Variants in AMPH observed in about 807,000 individuals in gnomAD.
AMPH encodes amphiphysin, also known as amphiphysin (Stiff-Mann syndrome with breast cancer 128kD autoantigen).
In AMPH, 49 loss-of-function variants were observed where a neutral mutation model predicts 99.1. The observed-to-expected ratio is 0.49, with a 90% confidence interval of 0.39 to 0.63. The LOEUF (loss-of-function observed/expected upper bound fraction) is 0.63. AMPH is among the 20% of genes least tolerant of loss of function. AMPH has a pLI of 0.00. For synonymous variants in AMPH, 314 were observed against 317.3 expected (o/e 0.99, Z 0.11); for missense variants, 759 against 863.4 (o/e 0.88, Z 1.52).
At chr7:38,411,569 A>G (rs887945713) in intron 17 of AMPH, among the ~76,000 whole-genome samples, 8 of 152,180 alleles carry the variant, frequency 5.3e-5, no homozygotes, top group African/African-American at 1.7e-4. Flanking sequence ...AGAACTCAGC[A>G]CACATGGTCT....
At chr7:38,407,955 C>T (rs1173576344) in intron 17 of AMPH, among the ~76,000 whole-genome samples, 1 of 152,168 alleles carries the variant, frequency 6.6e-6, no homozygotes, top group Non-Finnish European at 1.5e-5. Context: ...GGATATTTAT[C>T]ATGAATTTAC....
chr7:38,419,548 A>G (rs1282981915), intron 16 of AMPH, among the ~76,000 whole-genome samples: 1 of 152,230 alleles, frequency 6.6e-6, no homozygotes, highest in Admixed American at 6.5e-5. Context: ...TTATGGAAAA[A>G]TACTTCACTT....
chr7:38,491,184 T>C (rs750789848), intron 4 of AMPH, 39 bp from the exon 5 acceptor site: 41 of 1,382,298 alleles, frequency 3.0e-5, no homozygotes, highest in South Asian at 2.5e-4. Context: ...ATTATTTTAA[T>C]TGGATACCTT....
chr7:38,586,185 C>T (rs964214746), intron 1 of AMPH, among the ~76,000 whole-genome samples: 1 of 152,094 alleles, frequency 6.6e-6, no homozygotes, highest in Non-Finnish European at 1.5e-5. Context: ...AAATTTTCAT[C>T]GTGGAAATTT....
chr7:38,391,680 A>G, intron 19 of AMPH, 68 bp downstream of exon 19: 1 of 1,525,090 alleles, frequency 6.6e-7, no homozygotes, highest in Non-Finnish European at 8.8e-7. Context: ...AAACTGGAAA[A>G]CCAAAGGCTT....
At chr7:38,531,722 C>T (rs191476456) in intron 2 of AMPH, among the ~76,000 whole-genome samples, 100 of 152,276 alleles carry the variant, frequency 6.6e-4, no homozygotes, top group Non-Finnish European at 9.9e-4. Context: ...TTAAGCACTA[C>T]TTGAGTGTGG....
At chr7:38,547,945 C>A (rs189847772) in intron 1 of AMPH, among the ~76,000 whole-genome samples, 7 of 152,034 alleles carry the variant, frequency 4.6e-5, no homozygotes, top group African/African-American at 1.4e-4. Context: ...ACCAGATATA[C>A]GCATTTGTCT....
chr7:38,451,193 C>A (rs1410604359), intron 11 of AMPH, among the ~76,000 whole-genome samples: 1 of 151,570 alleles, frequency 6.6e-6, no homozygotes, highest in Non-Finnish European at 1.5e-5. Context: ...ATGTCTGGCC[C>A]CAAAACATTT....
chr7:38,489,409 G>A (rs55886441), intron 5 of AMPH, among the ~76,000 whole-genome samples: 3,935 of 151,980 alleles, frequency 0.026, 74 homozygotes, highest in Admixed American at 0.054. Flanking sequence ...AAAGTTGAGG[G>A]GGGGGGAAGC....
chr7:38,433,724 CAAAAAAAA>C (rs570503359), intron 12 of AMPH, among the ~76,000 whole-genome samples: 2,484 of 53,252 alleles, frequency 0.047, 80 homozygotes, highest in South Asian at 0.066. Context: ...GACTCCGTCT[CAAAAAAAA>C]AAAAAAAAAA....
intron 1 of AMPH, among the ~76,000 whole-genome samples, chr7:38,596,956 T>A (rs1793081332): frequency 6.6e-6 from 1 of 152,230 alleles, no homozygotes; most frequent in African/African-American, 2.4e-5. Context: ...AGTTTCCCAC[T>A]AACTCTTACA....
chr7:38,572,102 T>C (rs1194205164), intron 1 of AMPH, among the ~76,000 whole-genome samples: 1 of 151,994 alleles, frequency 6.6e-6, no homozygotes, highest in Non-Finnish European at 1.5e-5. Context: ...ACGGGGTTTC[T>C]CCATGTTGGT....
chr7:38,590,292 C>A (rs1792807307), intron 1 of AMPH, among the ~76,000 whole-genome samples: 1 of 152,184 alleles, frequency 6.6e-6, no homozygotes, highest in Non-Finnish European at 1.5e-5. Context: ...TTAGCCCAAT[C>A]AGGAGCAGCA....
chr7:38,450,939 G>A (rs1181363469), intron 11 of AMPH, among the ~76,000 whole-genome samples: 1 of 150,926 alleles, frequency 6.6e-6, no homozygotes, highest in Non-Finnish European at 1.5e-5. Flanking sequence ...CACCTAGGCT[G>A]GAATGCAGTA....
chr7:38,558,653 T>G (rs1015050757), intron 1 of AMPH, among the ~76,000 whole-genome samples: 5 of 152,198 alleles, frequency 3.3e-5, no homozygotes, highest in Non-Finnish European at 5.9e-5. Context: ...AATGGAATGT[T>G]TGTTGGTTAA....
intron 17 of AMPH, among the ~76,000 whole-genome samples, chr7:38,400,597 T>C (rs1167682251): frequency 6.6e-6 from 1 of 152,210 alleles, no homozygotes; most frequent in Non-Finnish European, 1.5e-5. Flanking sequence ...AGTCCTGCTA[T>C]GAGATGGTGC....
intron 5 of AMPH, among the ~76,000 whole-genome samples, chr7:38,490,083 A>G (rs1788664918): frequency 6.6e-6 from 1 of 152,200 alleles, no homozygotes; most frequent in Non-Finnish European, 1.5e-5. Flanking sequence ...ATCCCAAGGC[A>G]AAAATTGAGT....
At chr7:38,476,203 C>G (rs1788080406) in intron 6 of AMPH, among the ~76,000 whole-genome samples, 1 of 152,188 alleles carries the variant, frequency 6.6e-6, no homozygotes, top group Non-Finnish European at 1.5e-5. Flanking sequence ...AGGTGAGTTA[C>G]AGCCAAATTG....
chr7:38,444,704 T>G (rs1279927715), intron 11 of AMPH, among the ~76,000 whole-genome samples: 1 of 151,996 alleles, frequency 6.6e-6, no homozygotes, highest in Non-Finnish European at 1.5e-5. Context: ...GTTAGAGAAT[T>G]TTTTTGTGGG....
Sources: gnomAD v4.1 joint callset for allele counts (sites outside exome capture counted in the v4.1 genomes callset) on GRCh38, gnomAD v4.1.1 for gene constraint, MANE v1.5 for transcripts, NCBI Gene and HGNC (gene_info 2026-07-23, HGNC 2026-07-21) for gene names.